PTPRD: variants seen among roughly 807,000 people sequenced by gnomAD.
PTPRD encodes receptor-type tyrosine-protein phosphatase delta.
Under a neutral mutation model 214.5 loss-of-function variants are expected in PTPRD, and 34 were observed. The observed-to-expected ratio is 0.16, with a 90% CI of 0.12 to 0.21. The LOEUF (loss-of-function observed/expected upper bound fraction) is 0.21. Ranked by LOEUF, PTPRD falls within the 10% of genes least tolerant of loss-of-function variation. The probability of loss-of-function intolerance (pLI) is 1.00; values close to 1 mark genes in which losing one functional copy is unlikely to be tolerated. For missense variants in PTPRD, 2,545 were observed against 2,398.7 expected (o/e 1.06, Z -1.27); for synonymous variants, 1,128 against 845.7 (o/e 1.33, Z -5.79).
chr9:8,354,170 C>T (rs1166207749), intron 39 of PTPRD, among the ~76,000 whole-genome samples: 3 of 151,502 alleles, frequency 2.0e-5, no homozygotes, highest in Admixed American at 6.6e-5. Context: ...TTGCTAAGTA[C>T]TCCTTATTCT....
intron 11 of PTPRD, among the ~76,000 whole-genome samples, chr9:8,848,313 C>CTTTTTTTTTTTTTTTTTTTTTTTT: frequency 7.5e-6 from 1 of 132,668 alleles, no homozygotes; most frequent in Non-Finnish European, 1.6e-5. Flanking sequence ...AAGATTTTTC[C>CTTTTTTTTTTTTTTTTTTTTTTTT]TTTTTTTTTT....
intron 8 of PTPRD, among the ~76,000 whole-genome samples, chr9:9,531,998 T>C (rs989377410): frequency 6.9e-6 from 1 of 144,518 alleles, no homozygotes; most frequent in East Asian, 1.9e-4. Context: ...TAAAATGTTT[T>C]ACCAATATTA....
chr9:8,785,442 AC>A (rs1192366987), intron 11 of PTPRD, among the ~76,000 whole-genome samples: 1 of 152,230 alleles, frequency 6.6e-6, no homozygotes, highest in Non-Finnish European at 1.5e-5. Flanking sequence ...TGTCCAAACC[AC>A]AATACAAAAT....
chr9:9,342,308 T>C (rs2047108030), intron 9 of PTPRD, among the ~76,000 whole-genome samples: 1 of 152,188 alleles, frequency 6.6e-6, no homozygotes, highest in Admixed American at 6.5e-5. Flanking sequence ...GACTATTTTA[T>C]GCCACTTTAC....
At chr9:9,664,963 GA>G (rs978456548) in intron 7 of PTPRD, among the ~76,000 whole-genome samples, 23 of 151,630 alleles carry the variant, frequency 1.5e-4, no homozygotes, top group Non-Finnish European at 1.3e-4. Context: ...TTCATTGAAT[GA>G]AAACTTTTTA....
chr9:9,495,283 G>A (rs1433748735), intron 8 of PTPRD, among the ~76,000 whole-genome samples: 1 of 147,628 alleles, frequency 6.8e-6, no homozygotes, highest in Non-Finnish European at 1.5e-5. Context: ...ACAGGGATGG[G>A]TACCCAGTAA....
intron 11 of PTPRD, among the ~76,000 whole-genome samples, chr9:8,919,520 T>G: frequency 6.6e-6 from 1 of 152,222 alleles, no homozygotes; most frequent in East Asian, 1.9e-4. Flanking sequence ...GTTTTCATTC[T>G]AAAAATTAGC....
rs148286826 is a variant in PTPRD, at chr9:9,238,160, C to A, written c.-202-54797G>T. Among the ~76,000 whole-genome samples the A allele has an allele frequency of 4.1e-3, 628 of 152,064 alleles. 2 individuals are homozygous for A. Among genetic ancestry groups the A allele is most frequent in the African/African-American group, 0.015 (602 of 41,506 alleles). On this transcript the variant is annotated intron_variant, in intron 9 of 45. Coordinates refer to ENST00000381196, the MANE Select transcript of PTPRD (RefSeq NM_002839.4). ...AATCCAGGAAAGGCACTATTGACCC[C>A]CTTTGGGAGGCCTCTGTCTTCTGCA...
intron 9 of PTPRD, among the ~76,000 whole-genome samples, chr9:9,269,991 ATAAT>A (rs1175159012): frequency 1.3e-5 from 2 of 150,286 alleles, no homozygotes; most frequent in Non-Finnish European, 3.0e-5. Flanking sequence ...AATAAAATTA[ATAAT>A]TTATTTTGTT....
intron 43 of PTPRD, among the ~76,000 whole-genome samples, chr9:8,336,921 T>C (rs149838467): frequency 0.013 from 1,961 of 152,288 alleles, 45 homozygotes; most frequent in African/African-American, 0.044. Flanking sequence ...CCAGTTAGAA[T>C]GGCGATCATT....
At chr9:9,477,057 C>T (rs919937338) in intron 8 of PTPRD, among the ~76,000 whole-genome samples, 4 of 152,042 alleles carry the variant, frequency 2.6e-5, no homozygotes, top group Admixed American at 1.3e-4. Flanking sequence ...ATTTCTAAAC[C>T]ATACAATAGC....
Position 8,341,790 on chromosome 9 carries a change from T to C in PTPRD, c.4850A>G (p.Asn1617Ser), listed in dbSNP as rs764791104. The C allele has an allele frequency of 6.2e-7, 1 of 1,613,692 alleles. No homozygotes were observed. Among genetic ancestry groups the C allele is most frequent in the East Asian group, 2.2e-5 (1 of 44,832 alleles). ...DALLEAVTCG[N>S]TEVPARNLYA... ...CAAGTTTCTAGCTGGCACTTCGGTA[T>C]TTCCACAAGTCACTGCTTCTAACAG... The change falls in exon 40 of 46, where the codon AAT becomes AGT. Residue 1617 changes from asparagine (N) to serine (S), a missense_variant. By Grantham distance (46) the Asn-to-Ser change is conservative. Coordinates refer to ENST00000381196, the MANE Select transcript of PTPRD (RefSeq NM_002839.4).
At chr9:10,580,335 G>A (rs1008002242) in intron 2 of PTPRD, among the ~76,000 whole-genome samples, 2 of 152,096 alleles carry the variant, frequency 1.3e-5, no homozygotes, top group South Asian at 4.1e-4. Context: ...TTTGTCTTGG[G>A]AATGTGATTT....
chr9:9,414,369 G>A (rs183041589), intron 8 of PTPRD, among the ~76,000 whole-genome samples: 2 of 152,298 alleles, frequency 1.3e-5, no homozygotes, highest in Admixed American at 6.5e-5. Context: ...CAAGGATGGA[G>A]AATTAAGGTC....
At chr9:9,834,750 C>T (rs1482771116) in intron 5 of PTPRD, among the ~76,000 whole-genome samples, 2 of 151,964 alleles carry the variant, frequency 1.3e-5, no homozygotes, top group East Asian at 1.9e-4. Context: ...ATGGTGATTC[C>T]TATTGCATCC....
At chr9:10,324,579 CTG>C (rs1053841113) in intron 3 of PTPRD, among the ~76,000 whole-genome samples, 3 of 151,972 alleles carry the variant, frequency 2.0e-5, no homozygotes, top group African/African-American at 7.2e-5. Context: ...GCTGATCCGA[CTG>C]TGAAGTCAGA....
At chr9:8,745,979 G>A (rs1343704037) in intron 11 of PTPRD, among the ~76,000 whole-genome samples, 1 of 152,136 alleles carries the variant, frequency 6.6e-6, no homozygotes, top group Non-Finnish European at 1.5e-5. Flanking sequence ...TTTTTATTGG[G>A]AAGGGGTCTT....
intron 23 of PTPRD, among the ~76,000 whole-genome samples, chr9:8,502,990 A>C (rs1393573073): frequency 6.6e-6 from 1 of 152,032 alleles, no homozygotes; most frequent in African/African-American, 2.4e-5. Context: ...ACTATTTATT[A>C]GCCTGCCTGG....
intron 8 of PTPRD, among the ~76,000 whole-genome samples, chr9:9,498,112 G>A (rs1054278135): frequency 1.3e-5 from 2 of 152,140 alleles, no homozygotes; most frequent in African/African-American, 4.8e-5. Flanking sequence ...ACCAAGAGAA[G>A]TTTCCTCTCC....
Sources: allele counts gnomAD v4.1 joint callset (sites outside exome capture counted in the v4.1 genomes callset), GRCh38; gene constraint gnomAD v4.1.1; transcripts MANE v1.5; gene names NCBI Gene and HGNC (gene_info 2026-07-23, HGNC 2026-07-21).